CTNND2: variants seen among roughly 807,000 people sequenced by gnomAD.
CTNND2 encodes the protein catenin delta-2.
Under a neutral mutation model 144.4 loss-of-function variants are expected in CTNND2, and 22 were observed. That is an observed-to-expected ratio of 0.15 (90% confidence interval 0.11 to 0.22). CTNND2 has a LOEUF of 0.22. CTNND2 is among the 10% of genes least tolerant of loss of function. The pLI is 1.00. For synonymous variants in CTNND2, 751 were observed against 695.6 expected (o/e 1.08, Z -1.25); for missense variants, 1,353 against 1,618.8 (o/e 0.84, Z 2.82).
intron 1 of CTNND2, among the ~76,000 whole-genome samples, chr5:11,811,674 T>C (rs1561817862): frequency 6.6e-6 from 1 of 152,138 alleles, no homozygotes; most frequent in Non-Finnish European, 1.5e-5. Context: ...TTCATTTTGA[T>C]ATTTAAGGAT....
chr5:11,541,375 A>G (rs2150069779), intron 3 of CTNND2, among the ~76,000 whole-genome samples: 1 of 152,366 alleles, frequency 6.6e-6, no homozygotes, highest in South Asian at 2.1e-4. Flanking sequence ...AGCCATAAAG[A>G]AAAGTCATTC....
At chr5:11,186,334 C>T (rs1178048006) in intron 11 of CTNND2, among the ~76,000 whole-genome samples, 1 of 152,164 alleles carries the variant, frequency 6.6e-6, no homozygotes, top group Non-Finnish European at 1.5e-5. Context: ...ATGCAAGCTC[C>T]ACCCCAGTTA....
intron 2 of CTNND2, among the ~76,000 whole-genome samples, chr5:11,703,973 T>G (rs957842114): frequency 1.3e-5 from 2 of 152,174 alleles, no homozygotes; most frequent in East Asian, 1.9e-4. Flanking sequence ...AACAAGCATA[T>G]AGAGTGTCTT....
rs61737893 is a variant in CTNND2 at position 11,082,739 on chromosome 5, C to T, written c.2745G>A (p.Ala915=). ...NDRVVCAVAT[A]LRNMALDVRN... ...TGACGTCCAAGGCCATGTTCCGCAG[C>T]GCAGTGGCCACCGCGCACACCACAC... The change falls in exon 16 of 22, where the codon GCG becomes GCA. Residue 915 remains alanine, a synonymous_variant. Coordinates refer to ENST00000304623, the MANE Select transcript of CTNND2 (RefSeq NM_001332.4). 2.7e-3 allele frequency: 4,341 copies of T among 1,614,148 alleles called. 66 individuals are homozygous for T. In the African/African-American group the frequency reaches 0.041, roughly 15 times the overall value.
chr5:11,205,842 G>C (rs1374442187), intron 10 of CTNND2, among the ~76,000 whole-genome samples: 6 of 152,162 alleles, frequency 3.9e-5, no homozygotes, highest in Non-Finnish European at 7.3e-5. Flanking sequence ...TCTCAATTGT[G>C]TTTTCGAGAG....
rs1302925196 is a variant in CTNND2 at position 11,222,489 on chromosome 5, A to AAAATG, written c.1761+14197_1761+14201dup. On this transcript the variant is annotated intron_variant, in intron 10 of 21. Coordinates refer to ENST00000304623, the MANE Select transcript of CTNND2 (RefSeq NM_001332.4). ...TTAACTTCATTCACTTTGGGCTATTAAAATGGTCTCCTTCTGGTTATAAAG... is the reference window on the plus strand; with the variant it reads ...TTAACTTCATTCACTTTGGGCTATTAAAATGAAATGGTCTCCTTCTGGTTATAAAG... 2.0e-5 allele frequency among the ~76,000 whole-genome samples: 3 copies of AAAATG among 152,266 alleles called. No individual in the cohort carries two copies. In the East Asian group the frequency reaches 5.8e-4, roughly 29 times the overall value.
At chr5:11,774,736 T>G (rs1254865778) in intron 1 of CTNND2, among the ~76,000 whole-genome samples, 1 of 152,096 alleles carries the variant, frequency 6.6e-6, no homozygotes, top group African/African-American at 2.4e-5. Context: ...TGTTACCCCA[T>G]GATACCATTT....
chr5:11,389,442 T>C (rs1759419194), intron 6 of CTNND2, among the ~76,000 whole-genome samples: 1 of 152,202 alleles, frequency 6.6e-6, no homozygotes, highest in African/African-American at 2.4e-5. Flanking sequence ...ATGTTTCAGA[T>C]GGGTCAGATT....
intron 18 of CTNND2, among the ~76,000 whole-genome samples, chr5:11,009,516 G>C (rs1740838527): frequency 6.6e-6 from 1 of 152,192 alleles, no homozygotes; most frequent in Non-Finnish European, 1.5e-5. Context: ...CAGAAAACGA[G>C]GGAGTAAGTT....
intron 16 of CTNND2, among the ~76,000 whole-genome samples, chr5:11,045,487 A>C (rs77334766): frequency 0.05 from 7,605 of 152,238 alleles, 275 homozygotes; most frequent in African/African-American, 0.089. Flanking sequence ...CCTGTGACCC[A>C]CATACCTCCC....
At position 11,899,490 on chromosome 5, in the gene CTNND2, G is replaced by C. The variant is rs1415406477; in HGVS notation, c.37+4327C>G. 4.6e-5 allele frequency among the ~76,000 whole-genome samples: 7 copies of C among 152,210 alleles called. No individual in the cohort carries two copies. In the East Asian group the frequency reaches 1.3e-3, roughly 29 times the overall value. ...TAAAGGGCTGGTATGTTTCAGAATAGAAAGTTTAGCATATTTTATAAGCAA... is the reference window on the plus strand; with the variant it reads ...TAAAGGGCTGGTATGTTTCAGAATACAAAGTTTAGCATATTTTATAAGCAA... On this transcript the variant is annotated intron_variant, in intron 1 of 21. Coordinates refer to ENST00000304623, the MANE Select transcript of CTNND2 (RefSeq NM_001332.4).
chr5:11,217,956 G>T (rs1338515587), intron 10 of CTNND2, among the ~76,000 whole-genome samples: 1 of 152,036 alleles, frequency 6.6e-6, no homozygotes, highest in Non-Finnish European at 1.5e-5. Context: ...AGAGCTTCTT[G>T]TTGTTTGGGA....
At chr5:11,884,720 G>C (rs576891498) in intron 1 of CTNND2, among the ~76,000 whole-genome samples, 1 of 151,968 alleles carries the variant, frequency 6.6e-6, no homozygotes, top group Non-Finnish European at 1.5e-5. Context: ...AGAAAAAGTG[G>C]GTATCCTTCT....
chr5:11,581,586 C>T (rs531234099), intron 2 of CTNND2, among the ~76,000 whole-genome samples: 2 of 152,324 alleles, frequency 1.3e-5, no homozygotes, highest in Admixed American at 1.3e-4. Flanking sequence ...GTGATGTCAA[C>T]GTTATCTTAT....
intron 3 of CTNND2, among the ~76,000 whole-genome samples, chr5:11,427,738 G>A (rs1338616507): frequency 1.3e-5 from 2 of 152,030 alleles, no homozygotes. Context: ...ATCCTCTCCT[G>A]CCTCTCCCAG....
chr5:11,333,407 G>A (rs1753381579), intron 9 of CTNND2, among the ~76,000 whole-genome samples: 2 of 152,208 alleles, frequency 1.3e-5, no homozygotes, highest in African/African-American at 4.8e-5. Context: ...AGGACCACAG[G>A]CATGTGCCAC....
chr5:11,212,156 C>G (rs2149847416), intron 10 of CTNND2, among the ~76,000 whole-genome samples: 1 of 152,162 alleles, frequency 6.6e-6, no homozygotes, highest in South Asian at 2.1e-4. Flanking sequence ...CCACACTAAA[C>G]TGTGGTTGAG....
intron 9 of CTNND2, among the ~76,000 whole-genome samples, chr5:11,327,851 C>A (rs1299054102): frequency 2.6e-5 from 4 of 152,170 alleles, no homozygotes; most frequent in Admixed American, 6.5e-5. Flanking sequence ...CATTTCTAAC[C>A]AGCACCCAGG....
At chr5:11,047,647 G>A (rs16901216) in intron 16 of CTNND2, among the ~76,000 whole-genome samples, 2,828 of 152,184 alleles carry the variant, frequency 0.019, 94 homozygotes, top group African/African-American at 0.063. Flanking sequence ...TAGGTCCAGC[G>A]TCACCCTAAT....
Sources: gnomAD v4.1 joint callset for allele counts (sites outside exome capture counted in the v4.1 genomes callset) on GRCh38, gnomAD v4.1.1 for gene constraint, MANE v1.5 for transcripts, NCBI Gene and HGNC (gene_info 2026-07-23, HGNC 2026-07-21) for gene names.